The following AK9 variants were observed in gnomAD, a reference collection of about 807,000 sequenced individuals.
The protein encoded by AK9 is adenylate kinase domain containing 1.
In AK9, 191 loss-of-function variants were observed where a neutral mutation model predicts 239.6. The ratio of observed to expected loss-of-function variants is 0.80; its 90% CI spans 0.71 to 0.90. AK9 has a LOEUF of 0.90. Among genes scored for constraint, AK9 ranks in the 40% least tolerant of loss-of-function variants. AK9 has a pLI of 0.00. For synonymous variants in AK9, 689 were observed against 721.0 expected (o/e 0.96, Z 0.71); for missense variants, 1,995 against 2,214.7 (o/e 0.90, Z 1.99).
Position 109,545,980 on chromosome 6 carries a change from C to A in AK9, c.3112G>T (p.Val1038Leu). 1 of 1,614,186 alleles carries A rather than the reference C, an allele frequency of 6.2e-7. No homozygotes were observed. Among genetic ancestry groups the A allele is most frequent in the Non-Finnish European group, 8.5e-7 (1 of 1,180,020 alleles). ...GAATCTTCCTCAAATTCAGGTCCCA[C>A]TTTCTTTTCAGTTTTGAGTAGTAGT... ...EKLLLKTEKKVGPEFEEDSEN... is the reference protein window; with the variant it reads ...EKLLLKTEKKLGPEFEEDSEN... The change falls in exon 26 of 41, where the codon GTG (valine) becomes TTG (leucine). Residue 1038 changes from valine to leucine, a missense_variant. Physicochemically the swap from Val to Leu is conservative, Grantham distance 32 (BLOSUM62 1). This residue lies in a region of AK9 where 1,290 missense variants were observed against 1,392.7 expected (regional missense o/e 0.93). Transcript: ENST00000424296.
intron 20 of AK9, among the ~76,000 whole-genome samples, chr6:109,578,634 A>G (rs920792496): frequency 6.6e-6 from 1 of 151,730 alleles, no homozygotes; most frequent in African/African-American, 2.4e-5. Context: ...GTGACCTTAG[A>G]TTGTCTATTT....
intron 24 of AK9, among the ~76,000 whole-genome samples, chr6:109,557,886 A>G (rs989747710): frequency 8.5e-5 from 13 of 152,240 alleles, no homozygotes; most frequent in East Asian, 1.9e-4. Flanking sequence ...GTTATTCTGC[A>G]TCCTAGCTAA....
intron 12 of AK9, among the ~76,000 whole-genome samples, chr6:109,627,275 CA>C (rs1795652662): frequency 6.6e-6 from 1 of 151,682 alleles, no homozygotes; most frequent in South Asian, 2.1e-4. Flanking sequence ...TCTCTTACGA[CA>C]ACAATGCCTT....
At chr6:109,684,335 C>T (rs1345050982) in intron 1 of AK9, among the ~76,000 whole-genome samples, 6 of 152,006 alleles carry the variant, frequency 3.9e-5, no homozygotes, top group South Asian at 2.1e-4. Flanking sequence ...GACATAGGCA[C>T]GGGCAAAGAC....
At chr6:109,554,020 T>C (rs182040332) in intron 24 of AK9, among the ~76,000 whole-genome samples, 9 of 152,352 alleles carry the variant, frequency 5.9e-5, no homozygotes, top group African/African-American at 1.9e-4. Flanking sequence ...CCTGTGTATG[T>C]TGAACCAGCC....
At chr6:109,676,698 GAAATA>G (rs951134306) in intron 1 of AK9, among the ~76,000 whole-genome samples, 4 of 151,876 alleles carry the variant, frequency 2.6e-5, no homozygotes, top group Admixed American at 6.6e-5. Context: ...TTTTAAAATG[GAAATA>G]AAATATTAGC....
intron 1 of AK9, among the ~76,000 whole-genome samples, chr6:109,677,211 G>A (rs1287549456): frequency 6.6e-6 from 1 of 151,910 alleles, no homozygotes. Flanking sequence ...TACCTATATA[G>A]TAAACCTGCA....
intron 7 of AK9, among the ~76,000 whole-genome samples, chr6:109,657,811 A>G (rs1483579003): frequency 6.6e-6 from 1 of 152,060 alleles, no homozygotes; most frequent in African/African-American, 2.4e-5. Context: ...ACAAGTTTCT[A>G]GAGAAAGAAC....
At chr6:109,545,467 G>C (rs1017869263) in intron 26 of AK9, among the ~76,000 whole-genome samples, 3 of 152,158 alleles carry the variant, frequency 2.0e-5, no homozygotes, top group African/African-American at 4.8e-5. Flanking sequence ...TCTTGTGATA[G>C]TGAATAGTCT....
chr6:109,667,020 T>C lies in AK9; in HGVS notation c.332-4357A>G, dbSNP rs574866871. Among the ~76,000 whole-genome samples the C allele has an allele frequency of 1.5e-4, 23 of 152,344 alleles. 1 individual carries two copies. The highest frequency in any genetic ancestry group is 6.8e-3 in the Middle Eastern group (2 of 294). Reference sequence around the variant, plus strand: ...AGCTTTTAGGATGCCACATATTGACTCTATCTGTTTCTCTTGGGTAAGGAT... The same window carrying C: ...AGCTTTTAGGATGCCACATATTGACCCTATCTGTTTCTCTTGGGTAAGGAT... On this transcript the variant is annotated intron_variant, in intron 5 of 40. Coordinates refer to ENST00000424296, the MANE Select transcript of AK9 (RefSeq NM_001145128.3).
intron 21 of AK9, among the ~76,000 whole-genome samples, chr6:109,568,867 T>C (rs1786969632): frequency 6.6e-6 from 1 of 152,174 alleles, no homozygotes; most frequent in Admixed American, 6.5e-5. Flanking sequence ...AAGTAATTTA[T>C]AGATTCAATG....
chr6:109,497,362 A>ACACACACACTCTCT lies in AK9; in HGVS notation c.5315+102_5315+103insAGAGAGTGTGTGTG, dbSNP rs1554230922. On this transcript the variant is annotated intron_variant, in intron 38 of 40. Transcript: ENST00000424296. ...CACACACACACACACACACACACAC[A>ACACACACACTCTCT]CTCTCTCTCTCTCTCTCTCTCTCAC... The ACACACACACTCTCT allele has an allele frequency of 2.2e-5, 11 of 500,466 alleles. No homozygotes were observed. In the African/African-American group the frequency reaches 3.0e-4, roughly 14 times the overall value. The allele number at this position is 500,466 out of a possible 1,614,324, so 31.0% of individuals were successfully genotyped here. A position where few individuals can be genotyped will look rare whatever the true frequency, so the allele number is the denominator to read the frequency against.
At chr6:109,559,216 G>A (rs1026151174) in intron 24 of AK9, among the ~76,000 whole-genome samples, 7 of 151,018 alleles carry the variant, frequency 4.6e-5, no homozygotes, top group East Asian at 3.9e-4. Flanking sequence ...TCGCCCAGGC[G>A]GAGTGCAGTG....
In AK9 at chr6:109,516,061, C is replaced by T. The variant is rs780302451; in HGVS notation, c.3861G>A (p.Arg1287=). 6 of 1,549,030 alleles carry T rather than the reference C, an allele frequency of 3.9e-6. No individual in the cohort carries two copies. Among genetic ancestry groups the T allele is most frequent in the Non-Finnish European group, 5.2e-6 (6 of 1,144,854 alleles). ...NLQIIQDELE[R]YLIPIISING... ...TAATGGAAATTATTGGTATCAAATACCTCTCAAGTTCATCCTGATAAGAAA... is the reference window on the plus strand; with the variant it reads ...TAATGGAAATTATTGGTATCAAATATCTCTCAAGTTCATCCTGATAAGAAA... The change falls in exon 31 of 41, where the codon AGG becomes AGA. Residue 1287 remains arginine, a synonymous_variant. Coordinates refer to ENST00000424296, the MANE Select transcript of AK9 (RefSeq NM_001145128.3).
intron 3 of AK9, among the ~76,000 whole-genome samples, chr6:109,672,645 C>G (rs1274599050): frequency 1.3e-5 from 2 of 152,114 alleles, no homozygotes; most frequent in Admixed American, 1.3e-4. Flanking sequence ...GTGATCATGT[C>G]ACTGCACTCC....
chr6:109,644,705 AGAAACTTTATAATACAG>A lies in AK9; in HGVS notation c.760-34_760-18del. The stretch of plus-strand genomic sequence containing the variant: ...CATTACTTCCTGCAGATAATAGAAA[AGAAACTTTATAATACAG>A]GATCACTAGAAAAACTGAATACAAG... On this transcript the variant is annotated intron_variant, in intron 8 of 40. Coordinates refer to ENST00000424296, the MANE Select transcript of AK9 (RefSeq NM_001145128.3). The A allele has an allele frequency of 6.3e-7, 1 of 1,595,476 alleles. No individual in the cohort carries two copies. Among genetic ancestry groups the A allele is most frequent in the Non-Finnish European group, 8.6e-7 (1 of 1,168,768 alleles).
chr6:109,659,334 T>C lies in AK9; in HGVS notation c.524A>G (p.Gln175Arg), dbSNP rs1275898100. The C allele has an allele frequency of 6.2e-7, 1 of 1,609,490 alleles. No individual in the cohort carries two copies. The highest frequency in any genetic ancestry group is 8.5e-7 in the Non-Finnish European group (1 of 1,178,896). ...NNTGYIYSRD[Q>R]WDPEVIENHR... is the part of the protein sequence containing the mutation. ...ATTCTCAATGACTTCAGGATCCCAC[T>C]GGTCTCTACTGTATATGTATCCCGT... The change falls in exon 7 of 41, where the codon CAG becomes CGG. Residue 175 changes from glutamine (Q) to arginine (R), a missense_variant. Physicochemically the swap from Gln to Arg is conservative, Grantham distance 43. Transcript: ENST00000424296.
intron 17 of AK9, among the ~76,000 whole-genome samples, chr6:109,595,129 C>T (rs1790841827): frequency 6.6e-6 from 1 of 152,176 alleles, no homozygotes; most frequent in African/African-American, 2.4e-5. Context: ...GGGCTAATAT[C>T]CAGAATCTAC....
In AK9 at chr6:109,633,302, C is replaced by T. The variant is rs1037371103; in HGVS notation, c.955G>A (p.Ala319Thr). The part of the protein sequence containing the change: ...MENDELFRTL[A>T]SYKLIAPRYR... ...CTTGGTGCAATAAGTTTATAAGATG[C>T]AAGAGTACGAAATAGCTCATCCTGT... The change falls in exon 11 of 41, where the codon GCA becomes ACA. Residue 319 changes from alanine to threonine, a missense_variant. Ala to Thr is a moderately conservative substitution (Grantham distance 58, BLOSUM62 0). Coordinates refer to ENST00000424296, the MANE Select transcript of AK9 (RefSeq NM_001145128.3). 5.6e-6 allele frequency: 9 copies of T among 1,604,396 alleles called. No individual in the cohort carries two copies. The highest frequency in any genetic ancestry group is 6.8e-6 in the Non-Finnish European group (8 of 1,178,456).
Sources: allele counts gnomAD v4.1 joint callset (sites outside exome capture counted in the v4.1 genomes callset), GRCh38; gene constraint gnomAD v4.1.1; regional missense constraint gnomAD v4.1.1; transcripts MANE v1.5; gene names NCBI Gene and HGNC (gene_info 2026-07-23, HGNC 2026-07-21).